The following ATP2C1 variants were observed in gnomAD, a reference collection of about 807,000 sequenced individuals.
The protein encoded by ATP2C1 is ATPase secretory pathway Ca2+ transporting 1.
Under a neutral mutation model 120.5 loss-of-function variants are expected in ATP2C1, and 31 were observed. That is an observed-to-expected ratio of 0.26 (90% CI 0.19 to 0.35). The LOEUF (loss-of-function observed/expected upper bound fraction) is 0.35, where lower values mean the gene tolerates loss of function less well. ATP2C1 is among the 10% of genes least tolerant of loss of function. The pLI is 1.00. For synonymous variants in ATP2C1, 351 were observed against 358.7 expected, an observed-to-expected ratio of 0.98 and a Z score of 0.24; for missense variants, 731 against 1,107.5, an observed-to-expected ratio of 0.66 and a Z score of 4.83.
intron 2 of ATP2C1, among the ~76,000 whole-genome samples, chr3:130,920,641 G>C (rs1212544703): frequency 1.3e-5 from 2 of 152,028 alleles, no homozygotes; most frequent in Non-Finnish European, 1.5e-5. Flanking sequence ...TCTTTTACAA[G>C]ATTGATTTGG....
At chr3:130,858,808 G>C (rs886249793) in intron 1 of ATP2C1, among the ~76,000 whole-genome samples, 1 of 152,222 alleles carries the variant, frequency 6.6e-6, no homozygotes, top group Non-Finnish European at 1.5e-5. Context: ...TGTAGTACCA[G>C]AATGGCTGAG....
chr3:130,922,934 A>G (rs747121965), intron 2 of ATP2C1, among the ~76,000 whole-genome samples: 17 of 152,148 alleles, frequency 1.1e-4, no homozygotes, highest in Non-Finnish European at 1.6e-4. Flanking sequence ...ATATTCTGCA[A>G]TTGTTGGGTA....
At chr3:130,977,647 T>C (rs1209248015) in intron 18 of ATP2C1, among the ~76,000 whole-genome samples, 1 of 152,182 alleles carries the variant, frequency 6.6e-6, no homozygotes, top group Non-Finnish European at 1.5e-5. Context: ...GGTTTGTGTA[T>C]GTGTGTTTTG....
chr3:130,894,029 C>G (rs1039023515), upstream of ATP2C1: 1 of 986,520 alleles, frequency 1.0e-6, no homozygotes, highest in Non-Finnish European at 1.2e-6. The surrounding 1 kb of genome is among the most constrained non-coding windows in gnomAD (Gnocchi z 4.5). Flanking sequence ...GTGCGGGGCG[C>G]GACTGGGCGG....
At chr3:130,914,009 A>G (rs1386926993) in intron 2 of ATP2C1, among the ~76,000 whole-genome samples, 1 of 152,188 alleles carries the variant, frequency 6.6e-6, no homozygotes, top group African/African-American at 2.4e-5. Flanking sequence ...AGCACTCAGC[A>G]TCAAGCACTG....
chr3:131,000,555 C>T (rs199977920), intron 27 of ATP2C1, among the ~76,000 whole-genome samples: 74 of 152,286 alleles, frequency 4.9e-4, no homozygotes, highest in Middle Eastern at 3.4e-3. Flanking sequence ...AAATTGTCTA[C>T]TACTGTTGAT....
intron 4 of ATP2C1, among the ~76,000 whole-genome samples, chr3:130,934,175 A>T (rs1402275813): frequency 6.6e-6 from 1 of 151,124 alleles, no homozygotes; most frequent in African/African-American, 2.4e-5. Context: ...TTTTTCTGTG[A>T]TATGTGAGTC....
At chr3:130,872,022 CAA>C (rs11347303) in intron 1 of ATP2C1, among the ~76,000 whole-genome samples, 10,303 of 117,568 alleles carry the variant, frequency 0.088, 989 homozygotes, top group African/African-American at 0.27. Flanking sequence ...AACTCTGTCT[CAA>C]AAAAAAAAAA....
chr3:130,869,415 T>A, intron 1 of ATP2C1: 2 of 82,004 alleles, frequency 2.4e-5, no homozygotes, highest in African/African-American at 6.9e-5. Flanking sequence ...CACCCAAGAA[T>A]GATCAATAAA....
intron 8 of ATP2C1, among the ~76,000 whole-genome samples, chr3:130,942,814 C>T (rs150320987): frequency 3.9e-5 from 6 of 152,134 alleles, no homozygotes; most frequent in Non-Finnish European, 7.4e-5. Context: ...AATATTTTGC[C>T]GATGACAATA....
At position 130,964,059 on chromosome 3, in the gene ATP2C1, G is replaced by A; in HGVS notation, c.988G>A (p.Ala330Thr). Residue 330 changes from alanine (A) to threonine (T), a missense_variant, in exon 13 of 28, where the codon GCC becomes ACC. Ala to Thr is a moderately conservative substitution (Grantham distance 58). Coordinates refer to ENST00000510168, the MANE Select transcript of ATP2C1 (RefSeq NM_001378687.1). ...LGVMRMVKKR[A>T]IVKKLPIVET... Reference sequence around the variant, plus strand: ...TGTTATGAGAATGGTGAAGAAAAGGGCCATTGTGAAAAAGCTGCCTATTGT... The same window carrying A: ...TGTTATGAGAATGGTGAAGAAAAGGACCATTGTGAAAAAGCTGCCTATTGT... 6.2e-7 allele frequency: 1 copy of A among 1,612,554 alleles called. No homozygotes were observed. Among genetic ancestry groups the A allele is most frequent in the Non-Finnish European group, 8.5e-7 (1 of 1,178,864 alleles).
At chr3:131,005,524 A>T (rs750166968), downstream of ATP2C1, among the ~76,000 whole-genome samples, 2 of 152,266 alleles carry the variant, frequency 1.3e-5, no homozygotes, top group Non-Finnish European at 2.9e-5. Flanking sequence ...AGCTATTAGC[A>T]GAAGAACCTA....
intron 6 of ATP2C1, 105 bp from the exon 7 acceptor site, chr3:130,940,525 G>T: frequency 3.8e-6 from 3 of 787,674 alleles, no homozygotes; most frequent in Non-Finnish European, 4.3e-6. Flanking sequence ...TAAAGGAAAA[G>T]ATGAGAATTG....
chr3:130,963,806 G>A, intron 12 of ATP2C1, 165 bp from the exon 13 acceptor site: 1 of 762,596 alleles, frequency 1.3e-6, no homozygotes, highest in Non-Finnish European at 2.1e-6. Flanking sequence ...GCAGCTACTA[G>A]GTATCCAGTA....
chr3:130,940,588 C>T, intron 6 of ATP2C1, 42 bp from the exon 7 acceptor site: 1 of 1,327,232 alleles, frequency 7.5e-7, no homozygotes, highest in Non-Finnish European at 1.1e-6. Flanking sequence ...GGAATATATT[C>T]ATGGGAGCAA....
intron 27 of ATP2C1, 82 bp downstream of exon 27, chr3:130,999,741 T>C: frequency 7.5e-7 from 1 of 1,336,898 alleles, no homozygotes. Context: ...TTTAAAATTC[T>C]TTTAAAATAG....
chr3:130,944,942 T>G (rs914841356), intron 8 of ATP2C1, among the ~76,000 whole-genome samples: 1 of 152,236 alleles, frequency 6.6e-6, no homozygotes, highest in Admixed American at 6.5e-5. Flanking sequence ...TACTTATAAC[T>G]CCTAATAAAA....
intron 1 of ATP2C1, among the ~76,000 whole-genome samples, chr3:130,880,829 T>C (rs1317348490): frequency 6.6e-6 from 1 of 152,248 alleles, no homozygotes; most frequent in Non-Finnish European, 1.5e-5. Context: ...GGGCTGTTTA[T>C]CTCACTCTCC....
intron 1 of ATP2C1, among the ~76,000 whole-genome samples, chr3:130,855,414 C>A (rs1159259755): frequency 4.6e-5 from 7 of 152,066 alleles, no homozygotes; most frequent in African/African-American, 1.7e-4. Flanking sequence ...GGAGGGTTCA[C>A]GGGGCTGAGG....
Sources: gnomAD v4.1 joint callset for allele counts (sites outside exome capture counted in the v4.1 genomes callset) on GRCh38, gnomAD v4.1.1 for gene constraint, Gnocchi (gnomAD v3.1) non-coding constraint, MANE v1.5 for transcripts, NCBI Gene and HGNC (gene_info 2026-07-23, HGNC 2026-07-21) for gene names.